Variants in ZNF593OS observed in about 807,000 individuals in gnomAD.
ZNF593OS encodes ZNF593 opposite strand.
Position 26,170,827 on chromosome 1 carries a change from C to T in ZNF593OS, c.*362G>A, listed in dbSNP as rs543622002. The stretch of plus-strand genomic sequence containing the variant: ...GCCTCTGGGTTTGGGGAGCGGAGGG[C>T]CTCTTCTTGGTGCCCTGCCCCAAAT... On this transcript the variant is annotated 3_prime_UTR_variant, in exon 2 of 2. Coordinates refer to ENST00000648649, the Ensembl canonical transcript of ZNF593OS. The T allele has an allele frequency of 3.7e-5, 52 of 1,391,436 alleles. No individual in the cohort carries two copies. In the South Asian group the frequency reaches 6.3e-4, roughly 17 times the overall value. 86.2% of individuals were successfully genotyped at this position (1,391,436 alleles called of 1,614,324 possible).
chr1:26,169,841 G>A, downstream of ZNF593OS: 1 of 895,660 alleles, frequency 1.1e-6, no homozygotes, highest in Non-Finnish European at 1.6e-6. Context: ...GCCGCTGGCC[G>A]AGAGTGACGT....
chr1:26,170,752 T>C, exon 2 of ZNF593OS: 1 of 1,587,638 alleles, frequency 6.3e-7, no homozygotes, highest in Non-Finnish European at 8.5e-7. Flanking sequence ...GAATTGCCCA[T>C]GGACAGTGAC....
chr1:26,170,127 C>A, downstream of ZNF593OS: 2 of 1,571,464 alleles, frequency 1.3e-6, no homozygotes, highest in South Asian at 1.2e-5. Context: ...CCGACCCAAA[C>A]GCCGAGTTCG....
chr1:26,170,850 A>C, exon 2 of ZNF593OS: 5 of 1,109,412 alleles, frequency 4.5e-6, no homozygotes, highest in Non-Finnish European at 6.3e-6. Flanking sequence ...CCCTGCCCCA[A>C]ATAAAGGAAC....
downstream of ZNF593OS, chr1:26,169,866 C>G: frequency 8.7e-7 from 1 of 1,144,130 alleles, no homozygotes; most frequent in Admixed American, 3.4e-5. Context: ...AGAGGCGGTC[C>G]GGCCGAGCCT....
downstream of ZNF593OS, chr1:26,170,469 C>T (rs150295489): frequency 6.0e-4 from 974 of 1,614,190 alleles, 3 homozygotes; most frequent in Middle Eastern, 8.9e-3. Context: ...GATCCAAAGA[C>T]CACAAGAAAA....
exon 2 of ZNF593OS, chr1:26,170,763 G>C (rs768036011): frequency 2.5e-6 from 4 of 1,578,710 alleles, no homozygotes; most frequent in Admixed American, 3.4e-5. Flanking sequence ...GGACAGTGAC[G>C]CAAGGACTAG....
downstream of ZNF593OS, chr1:26,169,958 C>G (rs917328333): frequency 2.6e-6 from 4 of 1,524,386 alleles, no homozygotes; most frequent in Non-Finnish European, 3.5e-6. Flanking sequence ...CTCCTGGCCC[C>G]TTGGCCGGCC....
Sources: allele counts gnomAD v4.1 joint callset, GRCh38; gene constraint gnomAD v4.1.1; transcripts MANE v1.5; gene names NCBI Gene and HGNC (gene_info 2026-07-23, HGNC 2026-07-21).